The following TUBGCP3 variants were observed in gnomAD, a reference collection of about 807,000 sequenced individuals.
The protein encoded by TUBGCP3 is tubulin gamma complex component 3.
Under a neutral mutation model 123.1 loss-of-function variants are expected in TUBGCP3, and 50 were observed. The observed-to-expected ratio is 0.41, with a 90% CI of 0.32 to 0.51. TUBGCP3 has a LOEUF of 0.51. TUBGCP3 is among the 20% of genes least tolerant of loss of function. The pLI is 0.36. For missense variants in TUBGCP3, 882 were observed against 1,127.0 expected, an observed-to-expected ratio of 0.78 and a Z score of 3.11; for synonymous variants, 405 against 413.9, an observed-to-expected ratio of 0.98 and a Z score of 0.26.
upstream of TUBGCP3, chr13:112,588,199 G>T (rs1425256006): frequency 5.0e-6 from 2 of 403,408 alleles, no homozygotes; most frequent in Non-Finnish European, 8.8e-6. Context: ...CCGCGGCCGC[G>T]CGTGCGGCTG....
intron 12 of TUBGCP3, 54 bp from the exon 13 acceptor site, chr13:112,527,104 C>A: frequency 7.1e-7 from 1 of 1,399,968 alleles, no homozygotes; most frequent in East Asian, 2.3e-5. Context: ...AACGACTGCC[C>A]AAATCTACAA....
chr13:112,536,421 T>A, intron 11 of TUBGCP3, among the ~76,000 whole-genome samples: 1 of 152,236 alleles, frequency 6.6e-6, no homozygotes, highest in East Asian at 1.9e-4. Context: ...CTTCCATCCA[T>A]AAGCACAGAA....
At chr13:112,558,776 C>T (rs559214846) in intron 4 of TUBGCP3, among the ~76,000 whole-genome samples, 89 of 152,264 alleles carry the variant, frequency 5.8e-4, no homozygotes, top group African/African-American at 2.0e-3. Flanking sequence ...ATTGCTCAGA[C>T]GAAGCCTTTA....
chr13:112,600,804 C>T, the TUBGCP3 span, among the ~76,000 whole-genome samples: 1 of 152,254 alleles, frequency 6.6e-6, no homozygotes, highest in Non-Finnish European at 1.5e-5. Flanking sequence ...TGTCTTATAA[C>T]TCAGGTCTAT....
At chr13:112,546,098 T>C in intron 10 of TUBGCP3, 1 of 447,024 alleles carries the variant, frequency 2.2e-6, no homozygotes, top group South Asian at 4.8e-5. Context: ...CTCTTCTCTT[T>C]AGGACTGCTG....
intron 8 of TUBGCP3, among the ~76,000 whole-genome samples, chr13:112,552,433 C>T (rs898805786): frequency 2.0e-5 from 3 of 152,230 alleles, no homozygotes; most frequent in Non-Finnish European, 4.4e-5. Context: ...CGAGAAAGAG[C>T]CAGCTCACTC....
In TUBGCP3 at chr13:112,522,436, T is replaced by C. The variant is rs1320629319; in HGVS notation, c.1629A>G (p.Lys543=). Reference sequence around the variant, plus strand: ...TTTTATTGAGAACATCCAACAGGTATTTGCTGGTCTCAAAATAAGCAGCAT... The same window carrying C: ...TTTTATTGAGAACATCCAACAGGTACTTGCTGGTCTCAAAATAAGCAGCAT... ...KIDAAYFETS[K]YLLDVLNKKY... is the part of the protein sequence containing the mutation. The change falls in exon 14 of 22, where the codon AAA becomes AAG. Residue 543 remains lysine, a synonymous_variant. Transcript: ENST00000261965. 1.2e-6 allele frequency: 2 copies of C among 1,614,000 alleles called. No individual in the cohort carries two copies. The highest frequency in any genetic ancestry group is 1.7e-6 in the Non-Finnish European group (2 of 1,179,966).
chr13:112,563,423 G>A (rs552887313), intron 3 of TUBGCP3, among the ~76,000 whole-genome samples: 2 of 152,174 alleles, frequency 1.3e-5, no homozygotes, highest in East Asian at 1.9e-4. Flanking sequence ...TTTTCATCAT[G>A]TTTCAGTCAT....
At chr13:112,549,398 G>T (rs1879361771) in intron 8 of TUBGCP3, among the ~76,000 whole-genome samples, 2 of 152,052 alleles carry the variant, frequency 1.3e-5, no homozygotes, top group South Asian at 4.1e-4. Context: ...ACAAGTTAAA[G>T]GGTGCAGCAC....
Position 112,508,906 on chromosome 13 carries a change from C to G in TUBGCP3, c.2087-4192G>C, listed in dbSNP as rs1594121607. On this transcript the variant is annotated intron_variant, in intron 17 of 21. Coordinates refer to ENST00000261965, the MANE Select transcript of TUBGCP3 (RefSeq NM_006322.6). This position sits in a 1 kb window ranked among gnomAD's most constrained non-coding sequence, Gnocchi z 4.2. Reference sequence around the variant, plus strand: ...CTCAAATCCATTCCCTTCCCTCCAGCCCCGCGGCTGCTGTAACCATAAAGG... The same window carrying G: ...CTCAAATCCATTCCCTTCCCTCCAGGCCCGCGGCTGCTGTAACCATAAAGG... 6.6e-6 allele frequency among the ~76,000 whole-genome samples: 1 copy of G among 152,258 alleles called. No individual in the cohort carries two copies. The highest frequency in any genetic ancestry group is 1.9e-4 in the East Asian group (1 of 5,170).
rs567816074 is a variant in TUBGCP3, at chr13:112,578,250, G to A, written c.77-8991C>T. Among the ~76,000 whole-genome samples, 749 of 152,234 alleles carry A rather than the reference G, an allele frequency of 4.9e-3. 4 individuals carry two copies. Among genetic ancestry groups the A allele is most frequent in the Non-Finnish European group, 9.1e-3 (622 of 68,010 alleles). ...GCTCCTTGCTCTCCCAGGATCGATT[G>A]TATCTTGAGTTAAAAGAACCTGCTC... On this transcript the variant is annotated intron_variant, in intron 1 of 21. Transcript: ENST00000261965.
In TUBGCP3 at chr13:112,486,011, C is replaced by G. The variant is rs573194890; in HGVS notation, c.2706G>C (p.Arg902=). The change falls in exon 22 of 22, where the codon CGG becomes CGC. Residue 902 remains arginine, a synonymous_variant. Coordinates refer to ENST00000261965, the MANE Select transcript of TUBGCP3 (RefSeq NM_006322.6). Reference sequence around the variant, plus strand: ...GCGAGCTTCACGTGTGGGAGCTGCGCCGCCCCCTGGTACCCAGAGACACAC... The same window carrying G: ...GCGAGCTTCACGTGTGGGAGCTGCGGCGCCCCCTGGTACCCAGAGACACAC... ...RLRVSLGTRG[R]RSSHT is the part of the protein sequence containing the mutation. The G allele has an allele frequency of 1.2e-6, 2 of 1,604,702 alleles. No homozygotes were observed. Among genetic ancestry groups the G allele is most frequent in the Non-Finnish European group, 1.7e-6 (2 of 1,172,504 alleles).
rs1269896522 is a variant in TUBGCP3 at position 112,519,036 on chromosome 13, G to A, written c.1889C>T (p.Pro630Leu). ...RLDVRLLEVS[P>L]GDTGWDVFSL... ...GAAGACATCCCATCCAGTGTCACCT[G>A]GAGAGACCTAACAACAGAAACAAAC... is the stretch of plus-strand genomic sequence containing the variant. Residue 630 changes from proline to leucine, a missense_variant, in exon 16 of 22, where the codon CCA (proline) becomes CTA (leucine). Physicochemically the swap from Pro to Leu is moderately conservative, Grantham distance 98. Around this residue, in one of 3 missense-constraint regions of TUBGCP3, gnomAD observed 713 missense variants for 874.0 expected, o/e 0.82. Transcript: ENST00000261965. This position sits in a 1 kb window ranked among gnomAD's most constrained non-coding sequence, Gnocchi z 6.2. 5 of 1,613,556 alleles carry A rather than the reference G, an allele frequency of 3.1e-6. No individual in the cohort carries two copies. Among genetic ancestry groups the A allele is most frequent in the Non-Finnish European group, 4.2e-6 (5 of 1,179,468 alleles).
At chr13:112,500,956 T>C (rs1488674134) in intron 19 of TUBGCP3, among the ~76,000 whole-genome samples, 1 of 152,240 alleles carries the variant, frequency 6.6e-6, no homozygotes, top group African/African-American at 2.4e-5. Flanking sequence ...AATGAGTATT[T>C]GCTGAATGGG....
In TUBGCP3 at chr13:112,545,935, C is replaced by A; in HGVS notation, c.1169-70G>T. On this transcript the variant is annotated intron_variant, in intron 10 of 21. Transcript: ENST00000261965. The surrounding 1 kb of genome is among the most constrained non-coding windows in gnomAD (Gnocchi z 4.1). ...CTCATAGTACACACCAGTCACTTCT[C>A]ACCAACCAAAGACGCCCAAGTAATT... The A allele has an allele frequency of 6.5e-7, 1 of 1,542,044 alleles. No homozygotes were observed. The highest frequency in any genetic ancestry group is 8.9e-7 in the Non-Finnish European group (1 of 1,128,090).
At chr13:112,523,374 T>C (rs981267898) in intron 13 of TUBGCP3, among the ~76,000 whole-genome samples, 2 of 152,200 alleles carry the variant, frequency 1.3e-5, no homozygotes, top group Non-Finnish European at 2.9e-5. Flanking sequence ...CTCTTAAGAT[T>C]TGTTTGTCCT....
chr13:112,498,311 T>C (rs1009120791), intron 20 of TUBGCP3, among the ~76,000 whole-genome samples: 2 of 152,230 alleles, frequency 1.3e-5, no homozygotes, highest in Non-Finnish European at 2.9e-5. Flanking sequence ...TATTTGCATA[T>C]ACATAACGAG....
chr13:112,595,709 GAAGGA>G, the TUBGCP3 span, among the ~76,000 whole-genome samples: 1 of 148,712 alleles, frequency 6.7e-6, no homozygotes, highest in Non-Finnish European at 1.5e-5. Flanking sequence ...GATTGTGATT[GAAGGA>G]TAGACAGCAT....
chr13:112,544,153 T>C (rs1878757940), intron 11 of TUBGCP3, among the ~76,000 whole-genome samples: 2 of 152,134 alleles, frequency 1.3e-5, no homozygotes, highest in South Asian at 4.1e-4. Context: ...AGAAGCAGTT[T>C]AAAATATGCA....
Sources: allele counts gnomAD v4.1 joint callset (sites outside exome capture counted in the v4.1 genomes callset), GRCh38; gene constraint gnomAD v4.1.1; regional missense constraint gnomAD v4.1.1; non-coding constraint Gnocchi (gnomAD v3.1); transcripts MANE v1.5; gene names NCBI Gene and HGNC (gene_info 2026-07-23, HGNC 2026-07-21).